The following THSD4 variants were observed in gnomAD, a reference collection of about 807,000 sequenced individuals.
The protein encoded by THSD4 is thrombospondin type-1 domain-containing protein 4.
A neutral mutation model predicts 119.0 loss-of-function variants in THSD4; 69 were observed. The ratio of observed to expected loss-of-function variants is 0.58; its 90% CI spans 0.48 to 0.71. THSD4 has a LOEUF of 0.71. Among genes scored for constraint, THSD4 ranks in the 30% least tolerant of loss-of-function variants. THSD4 has a pLI of 0.00. For missense variants in THSD4, 1,393 were observed against 1,391.1 expected (o/e 1.00, Z -0.02); for synonymous variants, 524 against 540.4 (o/e 0.97, Z 0.42).
rs182297572 is a variant in THSD4, at chr15:71,484,387, G to A, written c.1152+72564G>A. Among the ~76,000 whole-genome samples the A allele has an allele frequency of 2.3e-3, 356 of 152,246 alleles. 4 individuals carry two copies. The highest frequency in any genetic ancestry group is 7.9e-3 in the South Asian group (38 of 4,812). ...GGGTCTCTTCTTACATTGTTTTTTC[G>A]ATTAGATAGGTGCTATTATTATTCC... On this transcript the variant is annotated intron_variant, in intron 7 of 17. Transcript: ENST00000261862.
chr15:71,413,158 C>T (rs1371173967), intron 7 of THSD4, among the ~76,000 whole-genome samples: 4 of 152,132 alleles, frequency 2.6e-5, no homozygotes, highest in Non-Finnish European at 4.4e-5. Context: ...ATTACAGGCT[C>T]ACGCCACCAT....
intron 6 of THSD4, among the ~76,000 whole-genome samples, chr15:71,343,936 A>C (rs1596352251): frequency 1.3e-5 from 2 of 149,258 alleles, no homozygotes; most frequent in Admixed American, 1.3e-4. Flanking sequence ...CTGGTCTTAA[A>C]CTCCTGGGCT....
intron 14 of THSD4, among the ~76,000 whole-genome samples, chr15:71,752,947 T>C (rs1294571568): frequency 6.6e-6 from 1 of 152,224 alleles, no homozygotes; most frequent in Non-Finnish European, 1.5e-5. Flanking sequence ...AATTTTTTAT[T>C]ACTGGGAATA....
At chr15:71,184,832 A>C (rs907049528) in intron 3 of THSD4, among the ~76,000 whole-genome samples, 1 of 151,742 alleles carries the variant, frequency 6.6e-6, no homozygotes, top group African/African-American at 2.4e-5. Flanking sequence ...CGCTGTCCTG[A>C]AATGTGATGG....
chr15:71,115,393 G>A (rs984961592), upstream of THSD4: 3 of 152,296 alleles, frequency 2.0e-5, no homozygotes, highest in African/African-American at 7.2e-5. This position sits in a 1 kb window ranked among gnomAD's most constrained non-coding sequence, Gnocchi z 4.4. Context: ...GGCGGCAGGA[G>A]CGGCTCCAGA....
chr15:71,751,739 C>A (rs557254749), intron 14 of THSD4, among the ~76,000 whole-genome samples: 1 of 152,160 alleles, frequency 6.6e-6, no homozygotes, highest in African/African-American at 2.4e-5. Flanking sequence ...ACAATCATGG[C>A]TCACTGAAGC....
intron 5 of THSD4, among the ~76,000 whole-genome samples, chr15:71,246,810 A>G (rs549728344): frequency 8.1e-4 from 124 of 152,228 alleles, no homozygotes; most frequent in African/African-American, 2.7e-3. Context: ...TCAAGCACCA[A>G]TCTCAAACAT....
intron 4 of THSD4, among the ~76,000 whole-genome samples, chr15:71,238,416 G>T (rs2044124716): frequency 6.6e-6 from 1 of 152,042 alleles, no homozygotes; most frequent in Non-Finnish European, 1.5e-5. Flanking sequence ...CTATCTAATT[G>T]CAGAACAGTT....
At chr15:71,553,921 A>C (rs2048973333) in intron 7 of THSD4, among the ~76,000 whole-genome samples, 1 of 151,980 alleles carries the variant, frequency 6.6e-6, no homozygotes, top group Non-Finnish European at 1.5e-5. Flanking sequence ...TTGATTTATA[A>C]ATATTTTAAA....
intron 7 of THSD4, among the ~76,000 whole-genome samples, chr15:71,438,968 C>A (rs1031250950): frequency 1.3e-5 from 2 of 152,092 alleles, no homozygotes; most frequent in Admixed American, 6.6e-5. Context: ...GCAGGAGTTA[C>A]AATCATGAAA....
intron 7 of THSD4, among the ~76,000 whole-genome samples, chr15:71,610,027 C>T (rs1048747992): frequency 3.3e-5 from 5 of 152,000 alleles, no homozygotes; most frequent in Non-Finnish European, 5.9e-5. Context: ...AGACTGTCAT[C>T]GACAATAAAG....
chr15:71,337,026 T>C (rs1441151313), intron 6 of THSD4, among the ~76,000 whole-genome samples: 1 of 152,094 alleles, frequency 6.6e-6, no homozygotes, highest in Non-Finnish European at 1.5e-5. Context: ...AGAGGGAGTG[T>C]GTGCGTGCAT....
intron 4 of THSD4, among the ~76,000 whole-genome samples, chr15:71,222,526 T>G (rs1014167144): frequency 1.1e-4 from 16 of 152,200 alleles, no homozygotes; most frequent in African/African-American, 3.6e-4. Flanking sequence ...GAGACAGCTG[T>G]GGGTGGCTGG....
chr15:71,120,554 G>A (rs1358253418), intron 1 of THSD4, among the ~76,000 whole-genome samples: 3 of 152,220 alleles, frequency 2.0e-5, no homozygotes, highest in African/African-American at 7.2e-5. Context: ...CCCCACAACC[G>A]GGTGGGCAGC....
chr15:71,549,783 G>A (rs937504311), intron 7 of THSD4: 1 of 152,250 alleles, frequency 6.6e-6, no homozygotes, highest in Non-Finnish European at 1.5e-5. Flanking sequence ...CTCCACGTGG[G>A]GCTGGAAGCC....
At chr15:71,598,087 G>A (rs961169982) in intron 7 of THSD4, among the ~76,000 whole-genome samples, 7 of 152,106 alleles carry the variant, frequency 4.6e-5, no homozygotes, top group African/African-American at 1.7e-4. Flanking sequence ...GCTGAGCAAA[G>A]AGGACCGGTC....
chr15:71,402,281 G>C (rs1445599254), intron 6 of THSD4, among the ~76,000 whole-genome samples: 2 of 150,544 alleles, frequency 1.3e-5, no homozygotes. Flanking sequence ...CCTCTCCCTA[G>C]ACCTCACCAT....
chr15:71,670,396 C>T (rs1445952747), intron 8 of THSD4, among the ~76,000 whole-genome samples: 2 of 151,682 alleles, frequency 1.3e-5, no homozygotes, highest in Non-Finnish European at 1.5e-5. Flanking sequence ...CATGTCCCTA[C>T]AAAGGACATG....
At position 71,780,481 on chromosome 15, in the gene THSD4, C is replaced by T. The variant is rs1422182461; in HGVS notation, c.*3107C>T. 4.0e-6 allele frequency: 1 copy of T among 251,540 alleles called. No individual in the cohort carries two copies. The highest frequency in any genetic ancestry group is 8.3e-6 in the Non-Finnish European group (1 of 120,396). The allele number at this position is 251,540 out of a possible 1,614,324, so 15.6% of individuals were successfully genotyped here. On this transcript the variant is annotated 3_prime_UTR_variant, in exon 18 of 18. Transcript: ENST00000261862. ...CACCCTCACGATGACTTGCGGTTCTCTCTGTAGAAAAGGGATGGCCTAAGA... is the reference window on the plus strand; with the variant it reads ...CACCCTCACGATGACTTGCGGTTCTTTCTGTAGAAAAGGGATGGCCTAAGA...
Sources: allele counts gnomAD v4.1 joint callset (sites outside exome capture counted in the v4.1 genomes callset), GRCh38; gene constraint gnomAD v4.1.1; non-coding constraint Gnocchi (gnomAD v3.1); transcripts MANE v1.5; gene names NCBI Gene and HGNC (gene_info 2026-07-23, HGNC 2026-07-21).